ENTREP2: variants seen among roughly 807,000 people sequenced by gnomAD.
The protein encoded by ENTREP2 is protein ENTREP2.
the ENTREP2 span, among the ~76,000 whole-genome samples, chr15:29,444,346 C>T: frequency 3.9e-5 from 6 of 152,164 alleles, no homozygotes; most frequent in South Asian, 2.1e-4. Flanking sequence ...TGTGAAATCA[C>T]GGCTATCCGT....
chr15:29,128,472 A>G, the ENTREP2 span, among the ~76,000 whole-genome samples: 4 of 152,196 alleles, frequency 2.6e-5, no homozygotes, highest in Middle Eastern at 3.4e-3. Flanking sequence ...GGGACCCTAG[A>G]TGGAGTCGTG....
At chr15:29,501,697 G>T in the ENTREP2 span, among the ~76,000 whole-genome samples, 52 of 152,026 alleles carry the variant, frequency 3.4e-4, no homozygotes, top group African/African-American at 1.2e-3. Context: ...GCAAGAAGAT[G>T]AAATAAAATG....
chr15:29,592,211 C>T, the ENTREP2 span, among the ~76,000 whole-genome samples: 4 of 152,180 alleles, frequency 2.6e-5, no homozygotes, highest in African/African-American at 9.7e-5. Flanking sequence ...CTTCCTCAAG[C>T]CAGGTCTGAT....
At chr15:29,617,474 A>G in the ENTREP2 span, among the ~76,000 whole-genome samples, 3 of 152,200 alleles carry the variant, frequency 2.0e-5, no homozygotes, top group East Asian at 3.9e-4. Flanking sequence ...ACACACCCAG[A>G]AAGACTGCTC....
chr15:29,177,882 G>A, the ENTREP2 span, among the ~76,000 whole-genome samples: 2 of 152,026 alleles, frequency 1.3e-5, no homozygotes, highest in Non-Finnish European at 2.9e-5. Flanking sequence ...TAGTGGAAGA[G>A]GGTGGGCGAG....
the ENTREP2 span, chr15:29,269,676 G>A: frequency 3.2e-6 from 5 of 1,558,218 alleles, no homozygotes; most frequent in Non-Finnish European, 4.3e-6. Context: ...GGCCGCCAGA[G>A]CGGCCCCGGT....
the ENTREP2 span, among the ~76,000 whole-genome samples, chr15:29,417,062 T>C: frequency 6.6e-6 from 1 of 152,198 alleles, no homozygotes; most frequent in African/African-American, 2.4e-5. Context: ...GTAAACCAGT[T>C]CAACCATTGT....
the ENTREP2 span, among the ~76,000 whole-genome samples, chr15:29,217,153 A>C: frequency 2.0e-5 from 3 of 152,194 alleles, no homozygotes; most frequent in Non-Finnish European, 4.4e-5. Context: ...GGGCGTTATC[A>C]ATCAGAGGAA....
the ENTREP2 span, among the ~76,000 whole-genome samples, chr15:29,410,462 GACGGGTCTCGGGGAGGCA>G: frequency 6.6e-6 from 1 of 151,912 alleles, no homozygotes; most frequent in Non-Finnish European, 1.5e-5. Context: ...GACTTGAGGC[GACGGGTCTCGGGGAGGCA>G]AGCCTGAAAT....
At chr15:29,240,899 A>T in the ENTREP2 span, among the ~76,000 whole-genome samples, 1 of 152,160 alleles carries the variant, frequency 6.6e-6, no homozygotes, top group African/African-American at 2.4e-5. Context: ...AGCGACCATC[A>T]TATCATCATC....
chr15:29,505,193 C>T, the ENTREP2 span, among the ~76,000 whole-genome samples: 3 of 152,276 alleles, frequency 2.0e-5, no homozygotes, highest in South Asian at 2.1e-4. The surrounding 1 kb of genome is among the most constrained non-coding windows in gnomAD (Gnocchi z 4.3). Flanking sequence ...TGTAGCCAGA[C>T]TGCCTCTCTA....
At chr15:29,649,754 GAAAGAAA>G in the ENTREP2 span, among the ~76,000 whole-genome samples, 7 of 145,424 alleles carry the variant, frequency 4.8e-5, no homozygotes, top group African/African-American at 1.6e-4. Flanking sequence ...AAGAAAGAAA[GAAAGAAA>G]AAAGAAAGAA....
chr15:29,273,649 G>T, the ENTREP2 span, among the ~76,000 whole-genome samples: 1 of 152,144 alleles, frequency 6.6e-6, no homozygotes, highest in Non-Finnish European at 1.5e-5. Context: ...GCAGACCCAC[G>T]TTCAATCTGG....
the ENTREP2 span, among the ~76,000 whole-genome samples, chr15:29,212,462 G>C: frequency 6.6e-6 from 1 of 151,612 alleles, no homozygotes; most frequent in Non-Finnish European, 1.5e-5. Context: ...GTATTTTTTT[G>C]TTTCAATTTC....
chr15:29,662,608 C>T, the ENTREP2 span, among the ~76,000 whole-genome samples: 2 of 152,192 alleles, frequency 1.3e-5, no homozygotes, highest in Non-Finnish European at 2.9e-5. Flanking sequence ...GCCTGGGCTG[C>T]ACAGGGCCAC....
At chr15:29,290,233 C>T in the ENTREP2 span, among the ~76,000 whole-genome samples, 1 of 152,220 alleles carries the variant, frequency 6.6e-6, no homozygotes, top group Non-Finnish European at 1.5e-5. Flanking sequence ...TGAGGGCACT[C>T]TCCCGAGCCA....
At chr15:29,450,880 T>G in the ENTREP2 span, among the ~76,000 whole-genome samples, 1 of 152,166 alleles carries the variant, frequency 6.6e-6, no homozygotes, top group Middle Eastern at 3.4e-3. Flanking sequence ...ATGTTCTCAC[T>G]TAAAAGCGGG....
At chr15:29,472,389 G>A in the ENTREP2 span, among the ~76,000 whole-genome samples, 1 of 151,444 alleles carries the variant, frequency 6.6e-6, no homozygotes, top group African/African-American at 2.4e-5. Context: ...TGGCTTCAGT[G>A]TGTTAATATT....
chr15:29,399,958 G>A, the ENTREP2 span, among the ~76,000 whole-genome samples: 1 of 152,154 alleles, frequency 6.6e-6, no homozygotes, highest in East Asian at 1.9e-4. Flanking sequence ...ATTTCAGGGT[G>A]GCAGAGGTGG....
Sources: allele counts gnomAD v4.1 joint callset (sites outside exome capture counted in the v4.1 genomes callset), GRCh38; gene constraint gnomAD v4.1.1; non-coding constraint Gnocchi (gnomAD v3.1); transcripts MANE v1.5; gene names NCBI Gene and HGNC (gene_info 2026-07-23, HGNC 2026-07-21).